Variants in ASIC2 observed in about 807,000 individuals in gnomAD.
ASIC2 encodes acid sensing ion channel subunit 2.
ASIC2 carries 25 observed loss-of-function variants against 57.3 expected under a neutral mutation model. The observed-to-expected ratio is 0.44, with a 90% CI of 0.32 to 0.61. The LOEUF (loss-of-function observed/expected upper bound fraction) is 0.61. ASIC2 is among the 20% of genes least tolerant of loss of function. The pLI, the probability that ASIC2 is intolerant of heterozygous loss-of-function variation, is 0.06. For synonymous variants in ASIC2, 319 were observed against 307.5 expected, an observed-to-expected ratio of 1.04 and a Z score of -0.39; for missense variants, 641 against 738.1, an observed-to-expected ratio of 0.87 and a Z score of 1.52.
intron 1 of ASIC2, among the ~76,000 whole-genome samples, chr17:33,917,072 C>A (rs779189727): frequency 3.3e-5 from 5 of 152,188 alleles, no homozygotes; most frequent in Non-Finnish European, 7.3e-5. Flanking sequence ...TCACCTGATT[C>A]CCCTTGACTT....
intron 1 of ASIC2, among the ~76,000 whole-genome samples, chr17:33,317,231 G>T (rs996355366): frequency 2.6e-5 from 4 of 152,182 alleles, no homozygotes; most frequent in African/African-American, 9.6e-5. Flanking sequence ...TTGCAGTGCT[G>T]TGATTCCCAT....
At chr17:33,820,881 A>G (rs1485365901) in intron 1 of ASIC2, among the ~76,000 whole-genome samples, 1 of 152,140 alleles carries the variant, frequency 6.6e-6, no homozygotes, top group Non-Finnish European at 1.5e-5. Context: ...CGGCTGTTAG[A>G]AAACCTAAAA....
chr17:33,636,236 T>C (rs556992746), intron 1 of ASIC2, among the ~76,000 whole-genome samples: 18 of 152,310 alleles, frequency 1.2e-4, no homozygotes, highest in African/African-American at 4.1e-4. Context: ...CGGGTCATGG[T>C]AGAGTTTCAT....
chr17:34,029,952 T>A (rs972191054), intron 1 of ASIC2, among the ~76,000 whole-genome samples: 2 of 152,148 alleles, frequency 1.3e-5, no homozygotes, highest in African/African-American at 2.4e-5. Flanking sequence ...AGGAATTGAA[T>A]TCACATAAGT....
At position 33,081,500 on chromosome 17, in the gene ASIC2, G is replaced by C. The variant is rs948104329; in HGVS notation, c.987+7363C>G. ...AAATAGATGCTTCCATATTTATGCGGCTCCATCTTTGGCCATTTGGAAGTC... is the reference window on the plus strand; with the variant it reads ...AAATAGATGCTTCCATATTTATGCGCCTCCATCTTTGGCCATTTGGAAGTC... On this transcript the variant is annotated intron_variant, in intron 3 of 9. Transcript: ENST00000225823. 3.3e-5 allele frequency among the ~76,000 whole-genome samples: 5 copies of C among 152,026 alleles called. No individual in the cohort carries two copies. In the East Asian group the frequency reaches 7.7e-4, roughly 24 times the overall value.
intron 1 of ASIC2, among the ~76,000 whole-genome samples, chr17:34,028,555 A>G (rs1907464034): frequency 6.6e-6 from 1 of 152,182 alleles, no homozygotes; most frequent in South Asian, 2.1e-4. Flanking sequence ...TACTCTTTTA[A>G]TAATGCATGG....
chr17:33,565,560 C>T (rs1916208102), intron 1 of ASIC2, among the ~76,000 whole-genome samples: 1 of 152,224 alleles, frequency 6.6e-6, no homozygotes, highest in African/African-American at 2.4e-5. Flanking sequence ...TGCACGTCCT[C>T]ATCTTCCTTA....
chr17:33,595,574 G>T (rs1904955954), intron 1 of ASIC2, among the ~76,000 whole-genome samples: 1 of 152,200 alleles, frequency 6.6e-6, no homozygotes, highest in African/African-American at 2.4e-5. Flanking sequence ...CATCTCCCAG[G>T]AAGTTCTATT....
chr17:33,579,608 T>C (rs531742790), intron 1 of ASIC2, among the ~76,000 whole-genome samples: 1 of 152,220 alleles, frequency 6.6e-6, no homozygotes, highest in East Asian at 1.9e-4. Context: ...TGTCGGGAGT[T>C]TGTTCCTTCA....
intron 1 of ASIC2, among the ~76,000 whole-genome samples, chr17:33,619,521 A>G (rs897680629): frequency 1.5e-4 from 23 of 152,216 alleles, no homozygotes; most frequent in African/African-American, 5.5e-4. Flanking sequence ...AATCATTTAT[A>G]GGCAAGTGAT....
intron 1 of ASIC2, among the ~76,000 whole-genome samples, chr17:33,953,489 TATACATATCACAA>T (rs1904641544): frequency 6.6e-6 from 1 of 152,136 alleles, no homozygotes; most frequent in South Asian, 2.1e-4. Flanking sequence ...AAGTATTGAA[TATACATATCACAA>T]TAGACCAGAT....
At chr17:33,232,094 G>A (rs1013598591) in intron 1 of ASIC2, among the ~76,000 whole-genome samples, 2 of 152,110 alleles carry the variant, frequency 1.3e-5, no homozygotes, top group African/African-American at 2.4e-5. Flanking sequence ...TCCTAGCTCC[G>A]GAAGTGATGG....
chr17:33,493,693 G>A lies in ASIC2; in HGVS notation c.556-381626C>T, dbSNP rs1021836307. 8.5e-5 allele frequency among the ~76,000 whole-genome samples: 13 copies of A among 152,074 alleles called. 1 individual carries two copies. The East Asian group carries it at 2.1e-3, about 25-fold the overall frequency. On this transcript the variant is annotated intron_variant, in intron 1 of 9. Transcript: ENST00000359872. ...GTGTCCTTGGGGAGAACCCAGAATCGGTCTGCCCTTGCCTTGCTGGGAACC... is the reference window on the plus strand; with the variant it reads ...GTGTCCTTGGGGAGAACCCAGAATCAGTCTGCCCTTGCCTTGCTGGGAACC...
At chr17:33,352,880 C>T (rs1335569322) in intron 1 of ASIC2, among the ~76,000 whole-genome samples, 1 of 152,140 alleles carries the variant, frequency 6.6e-6, no homozygotes, top group Admixed American at 6.6e-5. Context: ...CCTTCTCTTT[C>T]CCATGGTCTG....
chr17:34,038,100 A>C, intron 1 of ASIC2: 1 of 1,613,174 alleles, frequency 6.2e-7, no homozygotes. Context: ...GAAAGACCAA[A>C]ATCTGTAATT....
chr17:33,666,409 C>G (rs568394840), intron 1 of ASIC2, among the ~76,000 whole-genome samples: 1 of 152,138 alleles, frequency 6.6e-6, no homozygotes, highest in African/African-American at 2.4e-5. Context: ...GGGCCGAGCA[C>G]CAAAGCACAG....
At chr17:33,473,854 C>T (rs1238984318) in intron 1 of ASIC2, among the ~76,000 whole-genome samples, 1 of 151,712 alleles carries the variant, frequency 6.6e-6, no homozygotes, top group Non-Finnish European at 1.5e-5. Flanking sequence ...AAGACCTGTC[C>T]ACCCCCCATC....
rs1297422505 is a variant in ASIC2, at chr17:33,678,266, C to A, written c.555+477712G>T. ...ATAATGTAAATGCAATTTTTATATACACTGGGAAACCAAATAATTTGTGTG... is the reference window on the plus strand; with the variant it reads ...ATAATGTAAATGCAATTTTTATATAAACTGGGAAACCAAATAATTTGTGTG... On this transcript the variant is annotated intron_variant, in intron 1 of 9. Transcript: ENST00000359872. Among the ~76,000 whole-genome samples the A allele has an allele frequency of 3.3e-5, 5 of 152,156 alleles. 1 individual carries two copies. The highest frequency in any genetic ancestry group is 9.7e-5 in the African/African-American group (4 of 41,418).
chr17:33,491,035 T>C (rs1337106086), intron 1 of ASIC2, among the ~76,000 whole-genome samples: 2 of 152,188 alleles, frequency 1.3e-5, no homozygotes, highest in Non-Finnish European at 1.5e-5. Flanking sequence ...CCACTTGCCT[T>C]GACCTGCCCT....
Sources: gnomAD v4.1 joint callset for allele counts (sites outside exome capture counted in the v4.1 genomes callset) on GRCh38, gnomAD v4.1.1 for gene constraint, MANE v1.5 for transcripts, NCBI Gene and HGNC (gene_info 2026-07-23, HGNC 2026-07-21) for gene names.